Variants in DLG2 observed in about 807,000 individuals in gnomAD.
The protein encoded by DLG2 is disks large homolog 2.
In DLG2, 45 loss-of-function variants were observed where a neutral mutation model predicts 132.5. That is an observed-to-expected ratio of 0.34 (90% CI 0.27 to 0.44). The LOEUF (loss-of-function observed/expected upper bound fraction) is 0.44, where lower values mean the gene tolerates loss of function less well. Ranked by LOEUF, DLG2 falls within the 20% of genes least tolerant of loss-of-function variation. The probability of loss-of-function intolerance (pLI) is 1.00; values close to 1 mark genes in which losing one functional copy is unlikely to be tolerated. For missense variants in DLG2, 1,045 were observed against 1,196.9 expected, an observed-to-expected ratio of 0.87 and a Z score of 1.87; for synonymous variants, 424 against 419.6, an observed-to-expected ratio of 1.01 and a Z score of -0.13.
At chr11:84,168,498 T>A (rs2095727439) in intron 8 of DLG2, among the ~76,000 whole-genome samples, 1 of 152,192 alleles carries the variant, frequency 6.6e-6, no homozygotes, top group Non-Finnish European at 1.5e-5. Context: ...TCTTGTGGTC[T>A]CTTGTCACTT....
chr11:84,216,402 G>A lies in DLG2; in HGVS notation c.573+34836C>T, dbSNP rs541963503. On this transcript the variant is annotated intron_variant, in intron 8 of 27. Coordinates refer to ENST00000376104, the MANE Select transcript of DLG2 (RefSeq NM_001142699.3). ...AATATAACCAAAGGAATAACGCCAA[G>A]CAGGAGAGATCACGGGGGGCAAAAA... Among the ~76,000 whole-genome samples the A allele has an allele frequency of 2.6e-5, 4 of 152,184 alleles. No homozygotes were observed. The South Asian group carries it at 8.3e-4, about 32-fold the overall frequency.
At chr11:84,859,444 A>ATATG (rs2154028031) in intron 6 of DLG2, among the ~76,000 whole-genome samples, 1 of 145,282 alleles carries the variant, frequency 6.9e-6, no homozygotes, top group African/African-American at 2.6e-5. Context: ...ATGTATATAT[A>ATATG]CATACATATA....
At chr11:85,460,864 A>C (rs977338184) in intron 3 of DLG2, among the ~76,000 whole-genome samples, 5 of 152,162 alleles carry the variant, frequency 3.3e-5, no homozygotes, top group Non-Finnish European at 7.3e-5. Context: ...TGTGAGGTTT[A>C]TGTTTGTCGA....
At chr11:83,738,172 C>A (rs2092156781) in intron 18 of DLG2, among the ~76,000 whole-genome samples, 3 of 152,150 alleles carry the variant, frequency 2.0e-5, no homozygotes, top group Admixed American at 6.6e-5. Context: ...GGGAGTTAAA[C>A]ATGCACCATC....
At chr11:85,154,507 A>C (rs1334460354) in intron 5 of DLG2, 49 bp downstream of exon 5, 4 of 909,734 alleles carry the variant, frequency 4.4e-6, no homozygotes, top group Non-Finnish European at 6.9e-6. Context: ...GAACAAGACA[A>C]GTCTTACCCA....
intron 7 of DLG2, among the ~76,000 whole-genome samples, chr11:84,373,598 A>T (rs1261544151): frequency 6.6e-6 from 1 of 151,992 alleles, no homozygotes; most frequent in East Asian, 1.9e-4. Context: ...AAGAAATACC[A>T]GTTAGGGTGC....
chr11:83,800,030 G>A (rs1351784409), intron 17 of DLG2, among the ~76,000 whole-genome samples: 1 of 152,014 alleles, frequency 6.6e-6, no homozygotes, highest in East Asian at 1.9e-4. Context: ...CATCTAGTAA[G>A]GGCATATAAT....
intron 8 of DLG2, among the ~76,000 whole-genome samples, chr11:84,180,613 C>T (rs946543932): frequency 1.1e-4 from 17 of 152,060 alleles, no homozygotes; most frequent in Non-Finnish European, 2.4e-4. Flanking sequence ...TAACTGGCAT[C>T]TAGGCATACC....
intron 3 of DLG2, among the ~76,000 whole-genome samples, chr11:85,411,714 G>C (rs1373260936): frequency 1.3e-5 from 2 of 151,824 alleles, no homozygotes; most frequent in African/African-American, 4.8e-5. Flanking sequence ...TGATTGATGG[G>C]AGTGATAAGC....
At chr11:85,340,275 G>A (rs1477229559) in intron 3 of DLG2, among the ~76,000 whole-genome samples, 1 of 152,194 alleles carries the variant, frequency 6.6e-6, no homozygotes, top group African/African-American at 2.4e-5. Context: ...TTAAGAAAAT[G>A]TGGCACATAT....
intron 6 of DLG2, among the ~76,000 whole-genome samples, chr11:84,934,984 A>C (rs1207195869): frequency 6.6e-6 from 1 of 152,114 alleles, no homozygotes; most frequent in Non-Finnish European, 1.5e-5. Context: ...GCCAAAACTA[A>C]ACTGAATTTC....
intron 6 of DLG2, among the ~76,000 whole-genome samples, chr11:84,658,061 C>A (rs1437401366): frequency 1.3e-5 from 2 of 152,288 alleles, no homozygotes; most frequent in South Asian, 2.1e-4. Context: ...TGTGTAGGAA[C>A]AATTCCAAAA....
intron 7 of DLG2, among the ~76,000 whole-genome samples, chr11:84,403,278 G>C (rs1490395468): frequency 6.6e-6 from 1 of 152,102 alleles, no homozygotes; most frequent in Non-Finnish European, 1.5e-5. Flanking sequence ...TTATCACTCT[G>C]TATTCCAGAG....
At chr11:85,427,323 G>C (rs2090836527) in intron 3 of DLG2, among the ~76,000 whole-genome samples, 1 of 152,126 alleles carries the variant, frequency 6.6e-6, no homozygotes, top group African/African-American at 2.4e-5. Context: ...ACACATAATT[G>C]TCAGATTCAC....
chr11:84,865,689 G>A (rs1168302936), intron 6 of DLG2, among the ~76,000 whole-genome samples: 1 of 152,114 alleles, frequency 6.6e-6, no homozygotes, highest in Admixed American at 6.5e-5. Context: ...AAATAGCATA[G>A]ACAGGCTGCA....
chr11:84,993,624 G>A (rs2057355186), intron 6 of DLG2, among the ~76,000 whole-genome samples: 1 of 152,166 alleles, frequency 6.6e-6, no homozygotes, highest in Non-Finnish European at 1.5e-5. Flanking sequence ...TCGGGGAGGA[G>A]GGTCAGCAGA....
intron 3 of DLG2, among the ~76,000 whole-genome samples, chr11:85,288,132 G>A (rs1056591557): frequency 6.6e-6 from 1 of 151,870 alleles, no homozygotes; most frequent in African/African-American, 2.4e-5. Flanking sequence ...GTTATGCTGT[G>A]TATATTATAG....
rs190927398 is a variant in DLG2, at chr11:83,734,679, G to A, written c.1825+52011C>T. On this transcript the variant is annotated intron_variant, in intron 18 of 27. Coordinates refer to ENST00000376104, the MANE Select transcript of DLG2 (RefSeq NM_001142699.3). ...TTGGCTAGGCTCATCTTGAACTCAT[G>A]ACCTCATGTGATCTTCTTGCCTTGG... Among the ~76,000 whole-genome samples, 173 of 152,226 alleles carry A rather than the reference G, an allele frequency of 1.1e-3. 1 individual carries two copies. The highest frequency in any genetic ancestry group is 4.0e-3 in the African/African-American group (167 of 41,538).
chr11:84,273,196 A>G (rs2097752352), intron 7 of DLG2: 2 of 1,574,988 alleles, frequency 1.3e-6, no homozygotes, highest in Non-Finnish European at 1.7e-6. Context: ...GTTTTAAGGA[A>G]GCAATAGTAT....
Sources: allele counts gnomAD v4.1 joint callset (sites outside exome capture counted in the v4.1 genomes callset), GRCh38; gene constraint gnomAD v4.1.1; transcripts MANE v1.5; gene names NCBI Gene and HGNC (gene_info 2026-07-23, HGNC 2026-07-21).